Variants in CACNA1C observed in about 807,000 individuals in gnomAD.
CACNA1C encodes the protein voltage-dependent L-type calcium channel subunit alpha-1C.
CACNA1C carries 30 observed loss-of-function variants against 229.0 expected under a neutral mutation model. The observed-to-expected ratio is 0.13, with a 90% CI of 0.10 to 0.18. The LOEUF (loss-of-function observed/expected upper bound fraction) is 0.18. CACNA1C is among the 10% of genes least tolerant of loss of function. CACNA1C has a pLI of 1.00. For synonymous variants in CACNA1C, 1,114 were observed against 1,132.5 expected (o/e 0.98, Z 0.33); for missense variants, 1,658 against 2,845.0 (o/e 0.58, Z 9.49).
intron 3 of CACNA1C, among the ~76,000 whole-genome samples, chr12:2,312,059 T>C (rs1022032703): frequency 7.2e-5 from 11 of 152,168 alleles, no homozygotes; most frequent in African/African-American, 2.7e-4. Flanking sequence ...AAGTTCTGGC[T>C]TCCTGGGAAC....
intron 3 of CACNA1C, among the ~76,000 whole-genome samples, chr12:2,401,397 CT>C (rs2098675302): frequency 2.0e-5 from 3 of 152,260 alleles, no homozygotes; most frequent in Non-Finnish European, 4.4e-5. Flanking sequence ...ATTTCACACC[CT>C]TGTGACAAAG....
intron 3 of CACNA1C, among the ~76,000 whole-genome samples, chr12:2,325,135 C>T (rs2096232186): frequency 1.3e-5 from 2 of 152,134 alleles, no homozygotes; most frequent in Non-Finnish European, 2.9e-5. Flanking sequence ...ATGAGTGTGC[C>T]GCCCTACCCT....
chr12:1,986,016 T>C (rs2037622161), intron 1 of CACNA1C, among the ~76,000 whole-genome samples: 1 of 152,198 alleles, frequency 6.6e-6, no homozygotes, highest in Non-Finnish European at 1.5e-5. Context: ...AGTTTCACCG[T>C]GTTAGCCAGG....
chr12:2,449,397 C>T (rs994677032), intron 4 of CACNA1C, among the ~76,000 whole-genome samples: 1 of 152,228 alleles, frequency 6.6e-6, no homozygotes, highest in Non-Finnish European at 1.5e-5. Context: ...CTCCCTGCTG[C>T]AGTTGGTGGC....
intron 9 of CACNA1C, among the ~76,000 whole-genome samples, chr12:2,517,407 C>T (rs540962891): frequency 3.3e-5 from 5 of 152,228 alleles, no homozygotes; most frequent in Non-Finnish European, 7.3e-5. Context: ...ACGATGTTCC[C>T]TTCTACAGCA....
chr12:2,522,885 A>G (rs1169069046), intron 9 of CACNA1C, among the ~76,000 whole-genome samples: 2 of 152,102 alleles, frequency 1.3e-5, no homozygotes, highest in Non-Finnish European at 2.9e-5. Context: ...TGAGGCTCGG[A>G]AAAGTTAACG....
rs1328211262 is a variant in CACNA1C at position 2,181,434 on chromosome 12, C to T, written c.477+61004C>T. ...TCAACATGATCACAGCAGACTGACACGGCGAGCTGAAACAAACAGGAAAAC... is the reference window on the plus strand; with the variant it reads ...TCAACATGATCACAGCAGACTGACATGGCGAGCTGAAACAAACAGGAAAAC... On this transcript the variant is annotated intron_variant, in intron 3 of 46. Coordinates refer to ENST00000399655, the MANE Select transcript of CACNA1C (RefSeq NM_000719.7). The surrounding 1 kb of genome is among the most constrained non-coding windows in gnomAD (Gnocchi z 4.0). Among the ~76,000 whole-genome samples the T allele has an allele frequency of 2.6e-5, 4 of 152,262 alleles. No homozygotes were observed. Among genetic ancestry groups the T allele is most frequent in the East Asian group, 1.9e-4 (1 of 5,170 alleles).
chr12:2,561,659 C>T (rs2047553037), intron 11 of CACNA1C, among the ~76,000 whole-genome samples: 1 of 152,168 alleles, frequency 6.6e-6, no homozygotes, highest in South Asian at 2.1e-4. Context: ...TGCAGCTGGA[C>T]AGGCAAGAGG....
chr12:2,254,529 C>T (rs1454856099), intron 3 of CACNA1C, among the ~76,000 whole-genome samples: 4 of 152,168 alleles, frequency 2.6e-5, no homozygotes, highest in African/African-American at 7.2e-5. Context: ...CCTTTTGTAT[C>T]GTGCTGCGGC....
At position 2,310,342 on chromosome 12, in the gene CACNA1C, T is replaced by TAA. The variant is rs1262171750; in HGVS notation, c.478-138624_478-138623dup. On this transcript the variant is annotated intron_variant, in intron 3 of 46. Transcript: ENST00000399655. ...CCTGTCCTGTCCTCTGCCTCCCAGT[T>TAA]AAAAAAAAAAATATATATATATATA... Among the ~76,000 whole-genome samples, 747 of 144,244 alleles carry TAA rather than the reference T, an allele frequency of 5.2e-3. 6 individuals are homozygous for TAA. Among genetic ancestry groups the TAA allele is most frequent in the African/African-American group, 0.018 (678 of 37,792 alleles). 94.6% of individuals were successfully genotyped at this position (144,244 alleles called of 152,430 possible). A position where few individuals can be genotyped will look rare whatever the true frequency, so the allele number is the denominator to read the frequency against.
rs538234945 is a variant in CACNA1C, at chr12:2,118,103, T to C, written c.372-2222T>C. 4.6e-5 allele frequency among the ~76,000 whole-genome samples: 7 copies of C among 152,338 alleles called. No homozygotes were observed. The South Asian group carries it at 1.2e-3, about 27-fold the overall frequency. ...CCTGATTGGTTTTTACACATGATCT[T>C]CTCTGGCATTAGCCCAGTGCCTTTA... On this transcript the variant is annotated intron_variant, in intron 2 of 46. Coordinates refer to ENST00000399655, the MANE Select transcript of CACNA1C (RefSeq NM_000719.7).
At chr12:2,068,301 C>A (rs1371817648) in intron 1 of CACNA1C, among the ~76,000 whole-genome samples, 1 of 152,136 alleles carries the variant, frequency 6.6e-6, no homozygotes, top group Non-Finnish European at 1.5e-5. Flanking sequence ...TGCCCCAGTC[C>A]CTGTCACATA....
In CACNA1C at chr12:2,665,491, C is replaced by T; in HGVS notation, c.4399-90C>T. The T allele has an allele frequency of 7.1e-7, 1 of 1,416,074 alleles. No individual in the cohort carries two copies. Among genetic ancestry groups the T allele is most frequent in the Non-Finnish European group, 9.8e-7 (1 of 1,016,444 alleles). 87.7% of individuals were successfully genotyped at this position (1,416,074 alleles called of 1,614,324 possible). A position where few individuals can be genotyped will look rare whatever the true frequency, so the allele number is the denominator to read the frequency against. On this transcript the variant is annotated intron_variant, in intron 35 of 46. Coordinates refer to ENST00000399655, the MANE Select transcript of CACNA1C (RefSeq NM_000719.7). This position sits in a 1 kb window ranked among gnomAD's most constrained non-coding sequence, Gnocchi z 5.9. ...TGGTCTTTAGAAATGTTGGCTTCTGCCATCAGTAGGCCCCAGCTGGCAAGG... is the reference window on the plus strand; with the variant it reads ...TGGTCTTTAGAAATGTTGGCTTCTGTCATCAGTAGGCCCCAGCTGGCAAGG...
At chr12:2,580,102 G>C (rs2059966290) in intron 13 of CACNA1C, among the ~76,000 whole-genome samples, 1 of 152,210 alleles carries the variant, frequency 6.6e-6, no homozygotes, top group African/African-American at 2.4e-5. Context: ...GCTGGAGGGG[G>C]ACAAAACCCT....
In CACNA1C at chr12:2,693,722, T is replaced by C. The variant is rs2097813500; in HGVS notation, c.*2523T>C. On this transcript the variant is annotated 3_prime_UTR_variant, in exon 47 of 47. Coordinates refer to ENST00000399655, the MANE Select transcript of CACNA1C (RefSeq NM_000719.7). ...ATATCTCCCTAGAACATCACTCTTT[T>C]GGTGCTGTGTCCTTCAAATGTATGT... 1 of 152,206 alleles carries C rather than the reference T, an allele frequency of 6.6e-6. No individual in the cohort carries two copies. Among genetic ancestry groups the C allele is most frequent in the African/African-American group, 2.4e-5 (1 of 41,444 alleles). 9.4% of individuals were successfully genotyped at this position (152,206 alleles called of 1,614,324 possible).
At chr12:1,987,918 CCAAACT>C (rs1319848092) in intron 1 of CACNA1C, among the ~76,000 whole-genome samples, 1 of 152,184 alleles carries the variant, frequency 6.6e-6, no homozygotes, top group Non-Finnish European at 1.5e-5. Context: ...CATATCATCA[CCAAACT>C]CTTAAAAAGT....
chr12:2,696,637 T>C lies in CACNA1C; in HGVS notation c.*5438T>C, dbSNP rs2097844515. On this transcript the variant is annotated 3_prime_UTR_variant, in exon 47 of 47. Transcript: ENST00000399655. ...AAAAAAAAAGCTCTGGGTGGAAGAG[T>C]TTGTAAGTTTTAAGAGAGGGTCATT... is the stretch of plus-strand genomic sequence containing the variant. 1 of 148,268 alleles carries C rather than the reference T, an allele frequency of 6.7e-6. No homozygotes were observed. Among genetic ancestry groups the C allele is most frequent in the Non-Finnish European group, 1.5e-5 (1 of 67,184 alleles). The allele number at this position is 148,268 out of a possible 1,614,324, so 9.2% of individuals were successfully genotyped here. A position where few individuals can be genotyped will look rare whatever the true frequency, so the allele number is the denominator to read the frequency against.
rs12578775 is a variant in CACNA1C at position 2,410,249 on chromosome 12, A to C, written c.478-38727A>C. 0.37 allele frequency among the ~76,000 whole-genome samples: 56,095 copies of C among 151,758 alleles called. 10,500 individuals carry two copies. The highest frequency in any genetic ancestry group is 0.49 in the Admixed American group (7,432 of 15,266). On this transcript the variant is annotated intron_variant, in intron 3 of 46. Transcript: ENST00000399655. The surrounding 1 kb of genome is among the most constrained non-coding windows in gnomAD (Gnocchi z 5.3). ...TATGGCGACCGCAGAATCGACCTCA[A>C]CGAGCTCGTCGCCGGGCACCGTTTT...
rs2076296897 is a variant in CACNA1C, at chr12:2,608,505, C to T, written c.3357-6C>T. On this transcript the variant is annotated splice_polypyrimidine_tract_variant and splice_region_variant and intron_variant, in intron 26 of 46. Coordinates refer to ENST00000399655, the MANE Select transcript of CACNA1C (RefSeq NM_000719.7). This position sits in a 1 kb window ranked among gnomAD's most constrained non-coding sequence, Gnocchi z 4.2. ...TTCCCTCTGTGGGACCTGTCTCCTC[C>T]TGCAGGCTGCTGTACCGCTCCATCG... The T allele has an allele frequency of 1.2e-6, 2 of 1,600,742 alleles. No homozygotes were observed. Among genetic ancestry groups the T allele is most frequent in the Non-Finnish European group, 1.7e-6 (2 of 1,171,908 alleles).
Sources: allele counts gnomAD v4.1 joint callset (sites outside exome capture counted in the v4.1 genomes callset), GRCh38; gene constraint gnomAD v4.1.1; non-coding constraint Gnocchi (gnomAD v3.1); transcripts MANE v1.5; gene names NCBI Gene and HGNC (gene_info 2026-07-23, HGNC 2026-07-21).